CNST: variants seen among roughly 807,000 people sequenced by gnomAD.
CNST encodes the protein consortin.
A neutral mutation model predicts 72.4 loss-of-function variants in CNST; 39 were observed. The observed-to-expected ratio is 0.54, with a 90% CI of 0.42 to 0.70. CNST has a LOEUF of 0.70. Ranked by LOEUF, CNST falls within the 30% of genes least tolerant of loss-of-function variation. The pLI is 0.00. For synonymous variants in CNST, 332 were observed against 320.1 expected, an observed-to-expected ratio of 1.04 and a Z score of -0.40; for missense variants, 871 against 868.5, an observed-to-expected ratio of 1.00 and a Z score of -0.04.
intron 2 of CNST, among the ~76,000 whole-genome samples, chr1:246,620,566 G>A (rs61852392): frequency 0.061 from 4,930 of 80,628 alleles, no homozygotes; most frequent in East Asian, 0.25. Flanking sequence ...TACACACGAT[G>A]GGCTCTGGGC....
chr1:246,615,365 C>CG (rs1558560026), intron 2 of CNST, among the ~76,000 whole-genome samples: 4 of 151,732 alleles, frequency 2.6e-5, no homozygotes, highest in African/African-American at 7.3e-5. Context: ...TTAGTAGAGT[C>CG]GGGGTTTCAC....
intron 1 of CNST, among the ~76,000 whole-genome samples, chr1:246,581,549 C>T (rs543174426): frequency 5.3e-4 from 81 of 152,360 alleles, no homozygotes; most frequent in South Asian, 4.6e-3. Context: ...AGGCGTGAGC[C>T]ATCACACCCG....
chr1:246,578,016 T>C (rs771732079), intron 1 of CNST, among the ~76,000 whole-genome samples: 1 of 152,104 alleles, frequency 6.6e-6, no homozygotes, highest in Non-Finnish European at 1.5e-5. Context: ...TTTAGAGATA[T>C]AACCATTTTT....
At chr1:246,586,105 A>ATGTGTGTGTGTGTGTG (rs1305896995) in intron 1 of CNST, among the ~76,000 whole-genome samples, 1 of 33,892 alleles carries the variant, frequency 3.0e-5, no homozygotes, top group African/African-American at 1.1e-4. Flanking sequence ...ATATATATAT[A>ATGTGTGTGTGTGTGTG]TATATATGTG....
At chr1:246,665,663 G>A (rs1430263323) in intron 10 of CNST, 37 bp from the exon 11 acceptor site, 7 of 1,542,068 alleles carry the variant, frequency 4.5e-6, no homozygotes, top group South Asian at 1.1e-5. Context: ...TTTCCATTTC[G>A]GTGACAATGT....
rs146538044 is a variant in CNST, at chr1:246,592,705, C to T, written c.379+764C>T. On this transcript the variant is annotated intron_variant, in intron 2 of 10. Coordinates refer to ENST00000366513, the MANE Select transcript of CNST (RefSeq NM_152609.3). Reference sequence around the variant, plus strand: ...GACCTCTTTATAGATCTTTCCATCTCACTCAGCAGGTAAATAAAATACAGG... The same window carrying T: ...GACCTCTTTATAGATCTTTCCATCTTACTCAGCAGGTAAATAAAATACAGG... Among the ~76,000 whole-genome samples the T allele has an allele frequency of 3.2e-4, 48 of 152,314 alleles. No individual in the cohort carries two copies. In the East Asian group the frequency reaches 5.6e-3, roughly 18 times the overall value.
At chr1:246,599,670 G>A (rs191094559) in intron 2 of CNST, among the ~76,000 whole-genome samples, 16 of 152,346 alleles carry the variant, frequency 1.1e-4, no homozygotes, top group African/African-American at 3.4e-4. Context: ...CACTTTGGGA[G>A]GCTAAAGCGA....
At chr1:246,602,201 A>G (rs1253492348) in intron 2 of CNST, among the ~76,000 whole-genome samples, 2 of 152,254 alleles carry the variant, frequency 1.3e-5, no homozygotes, top group African/African-American at 4.8e-5. Context: ...ATAATAAAAA[A>G]GCAGAAAATT....
Position 246,566,610 on chromosome 1 carries a change from C to T in CNST, c.-105C>T, listed in dbSNP as rs1659698614. The stretch of plus-strand genomic sequence containing the variant: ...TCGGCCGCCATGTCGCCGAGTGGGG[C>T]TGGAAACAGACCCGGCGCCCAGCGG... On this transcript the variant is annotated 5_prime_UTR_variant, in exon 1 of 11. Transcript: ENST00000366513. The T allele has an allele frequency of 1.2e-5, 5 of 404,258 alleles. No homozygotes were observed. Among genetic ancestry groups the T allele is most frequent in the Non-Finnish European group, 2.2e-5 (5 of 228,552 alleles). 25.0% of individuals were successfully genotyped at this position (404,258 alleles called of 1,614,324 possible).
chr1:246,622,500 G>T (rs1467887865), intron 3 of CNST, among the ~76,000 whole-genome samples: 1 of 152,220 alleles, frequency 6.6e-6, no homozygotes, highest in African/African-American at 2.4e-5. Context: ...GGTCCAGGAA[G>T]AGATCAGCCT....
At chr1:246,646,829 T>G (rs1007869522) in intron 8 of CNST, among the ~76,000 whole-genome samples, 2 of 152,222 alleles carry the variant, frequency 1.3e-5, no homozygotes, top group Non-Finnish European at 2.9e-5. Flanking sequence ...TAACTTCATT[T>G]TAATGTAAAA....
intron 2 of CNST, chr1:246,605,974 G>T (rs1287044483): frequency 7.9e-5 from 12 of 151,600 alleles, no homozygotes; most frequent in Non-Finnish European, 1.5e-5. Context: ...CAAGCTTTCG[G>T]CCCCGGGGAG....
At chr1:246,596,671 G>A (rs1373238216) in intron 2 of CNST, among the ~76,000 whole-genome samples, 1 of 152,144 alleles carries the variant, frequency 6.6e-6, no homozygotes, top group Non-Finnish European at 1.5e-5. Context: ...GTCAATTTTA[G>A]TATGTTTTCT....
In CNST at chr1:246,665,676, CCTCA is replaced by C; in HGVS notation, c.1973-20_1973-17del. On this transcript the variant is annotated intron_variant, in intron 10 of 10. Coordinates refer to ENST00000366513, the MANE Select transcript of CNST (RefSeq NM_152609.3). Reference sequence around the variant, plus strand: ...GATTTCCATTTCGGTGACAATGTAACCTCACTCTTTCTCATGTTTGCAGATGAAG... The same window carrying C: ...GATTTCCATTTCGGTGACAATGTAACCTCTTTCTCATGTTTGCAGATGAAG... 1.3e-6 allele frequency: 2 copies of C among 1,594,346 alleles called. No individual in the cohort carries two copies. Among genetic ancestry groups the C allele is most frequent in the Non-Finnish European group, 1.7e-6 (2 of 1,163,880 alleles).
At position 246,621,602 on chromosome 1, in the gene CNST, G is replaced by A; in HGVS notation, c.553G>A (p.Asp185Asn). ...TATACGAGGTGAAGTTGAGCAGTTG[G>A]ATTCAAGAGCACTTCCCCTTTGCCT... ...SLIRGEVEQL[D>N]SRALPLCLHQ... The change falls in exon 3 of 11, where the codon GAT (aspartate) becomes AAT (asparagine). Residue 185 changes from aspartate (D) to asparagine (N), a missense_variant. Transcript: ENST00000366513. The A allele has an allele frequency of 6.2e-7, 1 of 1,614,120 alleles. No homozygotes were observed. The highest frequency in any genetic ancestry group is 1.3e-5 in the African/African-American group (1 of 75,040).
intron 1 of CNST, among the ~76,000 whole-genome samples, chr1:246,583,456 ACAT>A (rs1469498940): frequency 6.6e-6 from 1 of 152,208 alleles, no homozygotes; most frequent in Non-Finnish European, 1.5e-5. Context: ...GGGTTTATAG[ACAT>A]AGCGTATAAT....
chr1:246,627,510 C>T (rs1482292130), intron 3 of CNST, among the ~76,000 whole-genome samples: 1 of 152,174 alleles, frequency 6.6e-6, no homozygotes, highest in Non-Finnish European at 1.5e-5. Context: ...GTGTGAGATA[C>T]AGGAAACTGG....
At chr1:246,619,549 AGCGTCATACGAG>A (rs1170810762) in intron 2 of CNST, among the ~76,000 whole-genome samples, 1 of 152,230 alleles carries the variant, frequency 6.6e-6, no homozygotes, top group Admixed American at 6.5e-5. Context: ...ACTGCAACCT[AGCGTCATACGAG>A]GCCATATACC....
chr1:246,635,661 C>T (rs1665165914), intron 6 of CNST, among the ~76,000 whole-genome samples: 1 of 152,196 alleles, frequency 6.6e-6, no homozygotes, highest in Admixed American at 6.5e-5. Context: ...GTTTTGTTGT[C>T]ACGCGAGCAT....
Sources: gnomAD v4.1 joint callset for allele counts (sites outside exome capture counted in the v4.1 genomes callset) on GRCh38, gnomAD v4.1.1 for gene constraint, MANE v1.5 for transcripts, NCBI Gene and HGNC (gene_info 2026-07-23, HGNC 2026-07-21) for gene names.